COL19A1: variants seen among roughly 807,000 people sequenced by gnomAD.
The protein encoded by COL19A1 is collagen type XIX alpha 1 chain.
In COL19A1, 159 loss-of-function variants were observed where a neutral mutation model predicts 190.2. The ratio of observed to expected loss-of-function variants is 0.84; its 90% confidence interval spans 0.73 to 0.95. COL19A1 has a LOEUF of 0.95. COL19A1 is among the 40% of genes least tolerant of loss of function. The pLI, the probability that COL19A1 is intolerant of heterozygous loss-of-function variation, is 0.00. For synonymous variants in COL19A1, 509 were observed against 458.9 expected (o/e 1.11, Z -1.39); for missense variants, 1,418 against 1,431.9 (o/e 0.99, Z 0.16).
chr6:70,183,275 G>A (rs979766149), intron 44 of COL19A1, among the ~76,000 whole-genome samples: 1 of 152,162 alleles, frequency 6.6e-6, no homozygotes, highest in Admixed American at 6.6e-5. Flanking sequence ...TAGGCAGAAT[G>A]TACCCAGGAA....
chr6:69,964,325 A>G (rs1289981751), intron 11 of COL19A1, among the ~76,000 whole-genome samples: 1 of 152,180 alleles, frequency 6.6e-6, no homozygotes. Context: ...TAAGGTGAAT[A>G]TCTTTTCTTA....
At chr6:69,993,867 G>A (rs899627035) in intron 11 of COL19A1, among the ~76,000 whole-genome samples, 2 of 151,124 alleles carry the variant, frequency 1.3e-5, no homozygotes, top group Non-Finnish European at 1.5e-5. Flanking sequence ...CTAGCTAGTG[G>A]TCTATCAATC....
chr6:70,007,390 A>T (rs1285410394), intron 11 of COL19A1, among the ~76,000 whole-genome samples: 1 of 152,080 alleles, frequency 6.6e-6, no homozygotes, highest in Admixed American at 6.5e-5. Context: ...ATATACAAAG[A>T]TGTACTATGT....
chr6:70,157,810 C>T (rs1008704966), intron 34 of COL19A1, among the ~76,000 whole-genome samples: 2 of 152,172 alleles, frequency 1.3e-5, no homozygotes, highest in South Asian at 2.1e-4. Context: ...ACTACCTCCA[C>T]CCAAAAGGTA....
At chr6:70,055,879 G>C (rs1211374402) in intron 14 of COL19A1, among the ~76,000 whole-genome samples, 1 of 148,528 alleles carries the variant, frequency 6.7e-6, no homozygotes, top group African/African-American at 2.5e-5. Flanking sequence ...TGAATAGTTT[G>C]TCGTTTGTTT....
At chr6:69,972,720 A>G (rs1562048548) in intron 11 of COL19A1, among the ~76,000 whole-genome samples, 2 of 152,166 alleles carry the variant, frequency 1.3e-5, no homozygotes, top group South Asian at 2.1e-4. Flanking sequence ...GTATGCTAAA[A>G]TTTACACAGG....
chr6:69,929,745 T>TAAAAA, intron 6 of COL19A1, 45 bp downstream of exon 6: 1 of 1,446,398 alleles, frequency 6.9e-7, no homozygotes, highest in Non-Finnish European at 9.3e-7. Context: ...AATTTCTAAG[T>TAAAAA]AAAAAAAAAA....
intron 15 of COL19A1, among the ~76,000 whole-genome samples, chr6:70,076,951 T>C (rs1781918870): frequency 6.6e-6 from 1 of 152,218 alleles, no homozygotes; most frequent in Non-Finnish European, 1.5e-5. Context: ...TATTTATCCA[T>C]TTGGGATGGA....
chr6:70,010,667 C>T (rs1447533872), intron 11 of COL19A1, among the ~76,000 whole-genome samples: 1 of 137,610 alleles, frequency 7.3e-6, no homozygotes, highest in African/African-American at 3.1e-5. Flanking sequence ...TAAGAAACGG[C>T]GCACCACGAG....
At position 70,207,364 on chromosome 6, in the gene COL19A1, C is replaced by CTTTTTTTTTTTTTTTTTTTTTTTTT. The variant is rs36112821; in HGVS notation, c.*113_*114insTTTTTTTTTTTTTTTTTTTTTTTTT. 1 of 172,350 alleles carries CTTTTTTTTTTTTTTTTTTTTTTTTT rather than the reference C, an allele frequency of 5.8e-6. No individual in the cohort carries two copies. 10.7% of individuals were successfully genotyped at this position (172,350 alleles called of 1,614,324 possible). ...TCAAACCCTCATCATCTGTGGGTTGCTTTTTTTTTTTTTTTTTTTTTTTGG... is the reference window on the plus strand; with the variant it reads ...TCAAACCCTCATCATCTGTGGGTTGCTTTTTTTTTTTTTTTTTTTTTTTTTTTTTTTTTTTTTTTTTTTTTTTTGG... On this transcript the variant is annotated 3_prime_UTR_variant, in exon 51 of 51. Coordinates refer to ENST00000620364, the MANE Select transcript of COL19A1 (RefSeq NM_001858.6).
chr6:69,906,757 T>C (rs994587933), intron 4 of COL19A1, among the ~76,000 whole-genome samples: 5 of 152,212 alleles, frequency 3.3e-5, no homozygotes, highest in African/African-American at 9.6e-5. Flanking sequence ...CTCATTCAAT[T>C]GGTGTCTACT....
intron 27 of COL19A1, among the ~76,000 whole-genome samples, chr6:70,149,395 G>A (rs957760214): frequency 3.3e-5 from 5 of 152,166 alleles, no homozygotes; most frequent in African/African-American, 1.2e-4. Flanking sequence ...TGGGTGGTCA[G>A]TTTCTGACAG....
At chr6:69,948,825 G>A (rs1358419460) in intron 9 of COL19A1, among the ~76,000 whole-genome samples, 1 of 151,742 alleles carries the variant, frequency 6.6e-6, no homozygotes, top group Non-Finnish European at 1.5e-5. Flanking sequence ...TAAAACTTCA[G>A]TGAATATAAA....
chr6:70,208,966 G>A lies in COL19A1; in HGVS notation c.*1692G>A, dbSNP rs765668632. The A allele has an allele frequency of 1.3e-5, 2 of 152,260 alleles. No individual in the cohort carries two copies. The highest frequency in any genetic ancestry group is 2.9e-5 in the Non-Finnish European group (2 of 67,980). The allele number at this position is 152,260 out of a possible 1,614,324, so 9.4% of individuals were successfully genotyped here. ...TAGGTATTTCATATTGAATTATGCT[G>A]TATATTTCAATTCCAAGTTTATTTA... On this transcript the variant is annotated 3_prime_UTR_variant, in exon 51 of 51. Transcript: ENST00000620364.
At chr6:70,005,445 A>G (rs1191835764) in intron 11 of COL19A1, among the ~76,000 whole-genome samples, 1 of 152,100 alleles carries the variant, frequency 6.6e-6, no homozygotes, top group African/African-American at 2.4e-5. Flanking sequence ...CTCGGGGTTC[A>G]CTTCAGGCCC....
At chr6:69,903,252 A>G (rs1408356984) in intron 4 of COL19A1, among the ~76,000 whole-genome samples, 1 of 152,204 alleles carries the variant, frequency 6.6e-6, no homozygotes, top group African/African-American at 2.4e-5. Context: ...AGGCAGCAGC[A>G]GTCCTCTGGC....
intron 15 of COL19A1, among the ~76,000 whole-genome samples, chr6:70,095,159 T>C (rs892935917): frequency 2.0e-5 from 3 of 151,924 alleles, no homozygotes; most frequent in African/African-American, 7.3e-5. Flanking sequence ...TTGATCAACA[T>C]TATGTTTATG....
chr6:69,921,237 A>G (rs1215242689), intron 4 of COL19A1, among the ~76,000 whole-genome samples: 1 of 132,074 alleles, frequency 7.6e-6, no homozygotes, highest in Non-Finnish European at 1.5e-5. Flanking sequence ...TGTATTATAT[A>G]TCCATATATG....
At chr6:69,958,906 C>G (rs1031580793) in intron 9 of COL19A1, among the ~76,000 whole-genome samples, 22 of 152,032 alleles carry the variant, frequency 1.4e-4, no homozygotes, top group Non-Finnish European at 3.1e-4. Context: ...TTAAATAATT[C>G]AAATAAATGA....
Sources: allele counts gnomAD v4.1 joint callset (sites outside exome capture counted in the v4.1 genomes callset), GRCh38; gene constraint gnomAD v4.1.1; transcripts MANE v1.5; gene names NCBI Gene and HGNC (gene_info 2026-07-23, HGNC 2026-07-21).